Variants in SPATA6L observed in about 807,000 individuals in gnomAD.
SPATA6L encodes the protein spermatogenesis associated 6 like, also known as spermatogenesis associated 6-like protein.
SPATA6L carries 68 observed loss-of-function variants against 49.2 expected under a neutral mutation model. The ratio of observed to expected loss-of-function variants is 1.38; its 90% confidence interval spans 1.14 to 1.69. The LOEUF (loss-of-function observed/expected upper bound fraction) is 1.69, where lower values mean the gene tolerates loss of function less well. Among genes scored for constraint, SPATA6L ranks in the 40% most tolerant of loss-of-function variants. The probability of loss-of-function intolerance (pLI) is 0.00; values close to 1 mark genes in which losing one functional copy is unlikely to be tolerated. For missense variants in SPATA6L, 668 were observed against 464.3 expected, an observed-to-expected ratio of 1.44 and a Z score of -4.03; for synonymous variants, 198 against 165.7, an observed-to-expected ratio of 1.19 and a Z score of -1.50.
Position 4,589,436 on chromosome 9 carries a change from G to T in SPATA6L, c.*255-475C>A, listed in dbSNP as rs182111050. On this transcript the variant is annotated intron_variant and NMD_transcript_variant, in intron 13 of 13. Coordinates refer to the SPATA6L transcript ENST00000461761. Reference sequence around the variant, plus strand: ...GCTCCTACCACGTGGTGCTGGCTGGGTTATCACAGCAAACAGTATATCCAA... The same window carrying T: ...GCTCCTACCACGTGGTGCTGGCTGGTTTATCACAGCAAACAGTATATCCAA... 1.5e-3 allele frequency among the ~76,000 whole-genome samples: 235 copies of T among 152,292 alleles called. 1 individual carries two copies. The highest frequency in any genetic ancestry group is 3.4e-3 in the Middle Eastern group (1 of 294).
At chr9:4,594,000 G>A (rs1298862786), downstream of SPATA6L, among the ~76,000 whole-genome samples, 2 of 152,156 alleles carry the variant, frequency 1.3e-5, no homozygotes, top group African/African-American at 2.4e-5. Context: ...CTATGCAGAT[G>A]ATTAACAAAA....
chr9:4,655,006 A>G (rs1444545149), intron 3 of SPATA6L, among the ~76,000 whole-genome samples: 2 of 151,620 alleles, frequency 1.3e-5, no homozygotes, highest in Non-Finnish European at 2.9e-5. Flanking sequence ...TCTTCCCAGC[A>G]CTCCTGTATC....
intron 5 of SPATA6L, chr9:4,626,705 C>T (rs1011250004): frequency 5.6e-6 from 3 of 534,532 alleles, no homozygotes; most frequent in South Asian, 2.1e-5. Flanking sequence ...CCTGACTGGA[C>T]CCTGGCTGAT....
Position 4,635,395 on chromosome 9 carries a change from C to T in SPATA6L, c.231G>A (p.Trp77Ter), listed in dbSNP as rs1347726848. 1 of 1,576,600 alleles carries T rather than the reference C, an allele frequency of 6.3e-7. No homozygotes were observed. The highest frequency in any genetic ancestry group is 8.6e-7 in the Non-Finnish European group (1 of 1,168,740). The change falls in exon 4 of 12, where the codon TGG becomes TGA. Residue 77 changes from tryptophan (W) to a stop codon, truncating the protein, a stop_gained. Coordinates refer to ENST00000682582, the MANE Select transcript of SPATA6L (RefSeq NM_001353486.2). LOFTEE classifies it high-confidence loss of function. Reference sequence around the variant, plus strand: ...TTTCTTCGTAGTAGGCCAACTCATCCCACACTAGAAAGAAAATAGAAAAAG... The same window carrying T: ...TTTCTTCGTAGTAGGCCAACTCATCTCACACTAGAAAGAAAATAGAAAAAG... ...PGAVVDLLEMWDELAYYEENT... is the reference protein window; with the variant it reads ...PGAVVDLLEM
chr9:4,664,365 C>T (rs1342565289), intron 1 of SPATA6L: 4 of 166,964 alleles, frequency 2.4e-5, no homozygotes, highest in African/African-American at 7.2e-5. Flanking sequence ...ACATGGAATT[C>T]CGTTTTCTGA....
chr9:4,606,777 G>T (rs1355396159), intron 9 of SPATA6L, among the ~76,000 whole-genome samples: 1 of 148,032 alleles, frequency 6.8e-6, no homozygotes, highest in Non-Finnish European at 1.5e-5. Flanking sequence ...ACCAGCAATG[G>T]AACAAAGCTG....
At chr9:4,661,037 G>C (rs1407373296) in intron 2 of SPATA6L, among the ~76,000 whole-genome samples, 1 of 152,052 alleles carries the variant, frequency 6.6e-6, no homozygotes, top group Non-Finnish European at 1.5e-5. Flanking sequence ...GTCGTGGGGT[G>C]GGGGGAATGA....
chr9:4,605,316 G>T, intron 10 of SPATA6L, 31 bp downstream of exon 10: 2 of 1,525,950 alleles, frequency 1.3e-6, no homozygotes, highest in Non-Finnish European at 1.8e-6. Flanking sequence ...TATTTAGTGA[G>T]CAAAGATCTA....
chr9:4,662,570 TCAC>T lies in SPATA6L; in HGVS notation c.40-537_40-535del. ...GGCTCCGTGCATCGGAGAGCCCAGT[TCAC>T]CGCCGCGGCTCCTTCCCCCTGGCCG... On this transcript the variant is annotated intron_variant, in intron 1 of 11. Coordinates refer to ENST00000682582, the MANE Select transcript of SPATA6L (RefSeq NM_001353486.2). The surrounding 1 kb of genome is among the most constrained non-coding windows in gnomAD (Gnocchi z 4.9). 2.5e-6 allele frequency: 4 copies of T among 1,586,686 alleles called. No homozygotes were observed. The highest frequency in any genetic ancestry group is 3.4e-6 in the Non-Finnish European group (4 of 1,174,922).
intron 7 of SPATA6L, 140 bp from the exon 8 acceptor site, chr9:4,619,038 G>T (rs1288485626): frequency 1.4e-6 from 1 of 691,386 alleles, no homozygotes; most frequent in Non-Finnish European, 2.5e-6. Context: ...TCCCTTGTAA[G>T]TTACACTATC....
intron 2 of SPATA6L, among the ~76,000 whole-genome samples, chr9:4,660,821 C>T (rs1446676388): frequency 6.6e-6 from 1 of 152,172 alleles, no homozygotes; most frequent in Non-Finnish European, 1.5e-5. Context: ...GAAAATGTGG[C>T]ACATATACAC....
intron 3 of SPATA6L, among the ~76,000 whole-genome samples, chr9:4,636,254 T>A (rs2053429297): frequency 1.3e-5 from 2 of 152,228 alleles, no homozygotes; most frequent in South Asian, 4.1e-4. Context: ...AAATGCTTCA[T>A]TATGCTTGAT....
chr9:4,639,392 A>T (rs899058735), intron 3 of SPATA6L, among the ~76,000 whole-genome samples: 10 of 152,192 alleles, frequency 6.6e-5, no homozygotes, highest in Admixed American at 2.6e-4. Context: ...ATTTAGATAA[A>T]AGTAAGAGGC....
intron 3 of SPATA6L, among the ~76,000 whole-genome samples, chr9:4,637,396 C>G (rs1833019439): frequency 6.6e-6 from 1 of 152,172 alleles, no homozygotes; most frequent in South Asian, 2.1e-4. Flanking sequence ...CCCTATTTTA[C>G]TTTCAACGTA....
chr9:4,625,634 T>C, intron 5 of SPATA6L, 68 bp from the exon 6 acceptor site: 1 of 1,115,988 alleles, frequency 9.0e-7, no homozygotes, highest in Non-Finnish European at 1.2e-6. Flanking sequence ...AATCAGAATA[T>C]AACTGTATTT....
At chr9:4,632,281 G>A (rs1286811104) in intron 4 of SPATA6L, among the ~76,000 whole-genome samples, 5 of 151,596 alleles carry the variant, frequency 3.3e-5, no homozygotes, top group African/African-American at 9.7e-5. Context: ...GTGGTATCTC[G>A]GAGGCAATCA....
intron 2 of SPATA6L, among the ~76,000 whole-genome samples, chr9:4,656,366 G>A (rs1838186855): frequency 6.6e-6 from 1 of 152,020 alleles, no homozygotes; most frequent in Non-Finnish European, 1.5e-5. Context: ...TTGAGCACAG[G>A]AGACAGAGGT....
intron 7 of SPATA6L, among the ~76,000 whole-genome samples, chr9:4,621,348 C>T (rs28420139): frequency 6.6e-6 from 1 of 152,212 alleles, no homozygotes; most frequent in East Asian, 1.9e-4. Context: ...AGATCTGCAA[C>T]GTCAAACTGT....
intron 4 of SPATA6L, among the ~76,000 whole-genome samples, chr9:4,631,751 G>A (rs189219550): frequency 6.6e-6 from 1 of 152,168 alleles, no homozygotes; most frequent in Non-Finnish European, 1.5e-5. Flanking sequence ...AAAGAAATCA[G>A]ATAGTGGGCT....
Sources: gnomAD v4.1 joint callset for allele counts (sites outside exome capture counted in the v4.1 genomes callset) on GRCh38, gnomAD v4.1.1 for gene constraint, Gnocchi (gnomAD v3.1) non-coding constraint, MANE v1.5 for transcripts, NCBI Gene and HGNC (gene_info 2026-07-23, HGNC 2026-07-21) for gene names.